The following GPHN variants were observed in gnomAD, a reference collection of about 807,000 sequenced individuals.
GPHN encodes the protein gephyrin.
In GPHN, 17 loss-of-function variants were observed where a neutral mutation model predicts 95.5. The ratio of observed to expected loss-of-function variants is 0.18; its 90% CI spans 0.12 to 0.27. The LOEUF (loss-of-function observed/expected upper bound fraction) is 0.27. GPHN is among the 10% of genes least tolerant of loss of function. The probability of loss-of-function intolerance (pLI) is 1.00; values close to 1 mark genes in which losing one functional copy is unlikely to be tolerated. For synonymous variants in GPHN, 320 were observed against 322.5 expected (o/e 0.99, Z 0.08); for missense variants, 660 against 978.1 (o/e 0.67, Z 4.34).
the GPHN span, among the ~76,000 whole-genome samples, chr14:67,276,609 C>T: frequency 1.3e-5 from 2 of 152,160 alleles, no homozygotes; most frequent in African/African-American, 4.8e-5. Flanking sequence ...CTGTCTCTAA[C>T]AAATTTAGAA....
chr14:67,303,524 T>G, the GPHN span: 2 of 1,611,248 alleles, frequency 1.2e-6, no homozygotes, highest in South Asian at 1.1e-5. Context: ...TATTACAGTC[T>G]GATATGCATG....
the GPHN span, chr14:67,586,431 C>T: frequency 1.4e-5 from 19 of 1,325,308 alleles, no homozygotes; most frequent in Admixed American, 2.0e-4. Flanking sequence ...CAGCAGTCCT[C>T]AAGGCAGGGC....
intron 1 of GPHN, among the ~76,000 whole-genome samples, chr14:66,518,950 T>C (rs1466595636): frequency 6.6e-6 from 1 of 151,994 alleles, no homozygotes; most frequent in Non-Finnish European, 1.5e-5. Context: ...AACAGTAATA[T>C]ATAGTTTCAA....
the GPHN span, chr14:67,587,590 T>G: frequency 3.6e-6 from 1 of 274,428 alleles, no homozygotes; most frequent in Non-Finnish European, 7.1e-6. Context: ...AAGCTAATTT[T>G]CTTTCTGGGG....
At chr14:66,857,862 A>C (rs1320507720) in intron 4 of GPHN, among the ~76,000 whole-genome samples, 1 of 152,116 alleles carries the variant, frequency 6.6e-6, no homozygotes, top group Non-Finnish European at 1.5e-5. Flanking sequence ...TTGGGAGAGG[A>C]ACAGCACAGT....
intron 21 of GPHN, among the ~76,000 whole-genome samples, chr14:67,172,751 A>C (rs890152169): frequency 1.3e-5 from 2 of 151,980 alleles, no homozygotes; most frequent in African/African-American, 4.8e-5. Flanking sequence ...TATGCTATTT[A>C]TTGCCCCCAC....
intron 4 of GPHN, among the ~76,000 whole-genome samples, chr14:66,829,698 G>A (rs2061513276): frequency 6.6e-6 from 1 of 152,062 alleles, no homozygotes; most frequent in Admixed American, 6.6e-5. Context: ...ATATTATTTT[G>A]ATCATAAGTA....
At chr14:66,844,816 A>G (rs952374582) in intron 4 of GPHN, among the ~76,000 whole-genome samples, 5 of 152,108 alleles carry the variant, frequency 3.3e-5, no homozygotes, top group Non-Finnish European at 7.4e-5. Context: ...AACCGTCACC[A>G]CTGTTTCTAG....
chr14:67,681,164 G>C, the GPHN span, among the ~76,000 whole-genome samples: 4 of 152,230 alleles, frequency 2.6e-5, no homozygotes, highest in Non-Finnish European at 5.9e-5. Flanking sequence ...AGAGACACCA[G>C]GAGTGTGTGT....
chr14:67,279,553 G>A, the GPHN span: 1 of 1,506,782 alleles, frequency 6.6e-7, no homozygotes, highest in Non-Finnish European at 8.8e-7. Context: ...TAAAAATAGA[G>A]GTATAACAGA....
the GPHN span, among the ~76,000 whole-genome samples, chr14:67,621,805 T>C: frequency 7.3e-5 from 11 of 151,680 alleles, no homozygotes; most frequent in Non-Finnish European, 5.9e-5. Flanking sequence ...CAAATTTGAA[T>C]ACCTTTATAA....
At chr14:67,413,010 G>A in the GPHN span, among the ~76,000 whole-genome samples, 3 of 152,122 alleles carry the variant, frequency 2.0e-5, no homozygotes, top group African/African-American at 7.2e-5. Flanking sequence ...CAATCCTCCG[G>A]CCTGGGCTTC....
chr14:66,751,650 A>G (rs960030103), intron 2 of GPHN, among the ~76,000 whole-genome samples: 5 of 152,074 alleles, frequency 3.3e-5, no homozygotes, highest in Non-Finnish European at 7.4e-5. Context: ...TTGTCTGTTT[A>G]TTCTGTTGAT....
At chr14:66,764,687 G>T (rs1262676667) in intron 2 of GPHN, among the ~76,000 whole-genome samples, 3 of 151,654 alleles carry the variant, frequency 2.0e-5, no homozygotes, top group Non-Finnish European at 2.9e-5. Context: ...AAAAGCTGAA[G>T]GAAAAATATA....
chr14:67,481,986 G>A, the GPHN span, among the ~76,000 whole-genome samples: 1 of 152,342 alleles, frequency 6.6e-6, no homozygotes, highest in East Asian at 1.9e-4. Context: ...AATGCAGGAG[G>A]ACAGAGTTTG....
At chr14:67,148,273 T>C (rs1047630832) in intron 18 of GPHN, among the ~76,000 whole-genome samples, 9 of 152,152 alleles carry the variant, frequency 5.9e-5, no homozygotes, top group Non-Finnish European at 2.9e-5. Context: ...CCTTTCTTAT[T>C]GTAGGACAGG....
intron 8 of GPHN, among the ~76,000 whole-genome samples, chr14:66,956,640 G>A (rs1158263385): frequency 6.6e-6 from 1 of 151,940 alleles, no homozygotes; most frequent in African/African-American, 2.4e-5. Context: ...GGCCAGTGAT[G>A]ATGAGCATTT....
At chr14:66,557,871 G>A (rs2060071367) in intron 1 of GPHN, among the ~76,000 whole-genome samples, 1 of 152,092 alleles carries the variant, frequency 6.6e-6, no homozygotes, top group East Asian at 1.9e-4. Context: ...ATACAATCTA[G>A]TAGTTGTAGA....
chr14:67,341,204 G>A, the GPHN span, among the ~76,000 whole-genome samples: 1 of 152,106 alleles, frequency 6.6e-6, no homozygotes, highest in Non-Finnish European at 1.5e-5. Context: ...TCTGTGACTG[G>A]CCGCCATCCC....
Sources: allele counts gnomAD v4.1 joint callset (sites outside exome capture counted in the v4.1 genomes callset), GRCh38; gene constraint gnomAD v4.1.1; transcripts MANE v1.5; gene names NCBI Gene and HGNC (gene_info 2026-07-23, HGNC 2026-07-21).